PHLDB2: variants seen among roughly 807,000 people sequenced by gnomAD.
PHLDB2 encodes pleckstrin homology like domain family B member 2.
PHLDB2 carries 71 observed loss-of-function variants against 123.6 expected under a neutral mutation model. The ratio of observed to expected loss-of-function variants is 0.57; its 90% CI spans 0.47 to 0.70. The LOEUF (loss-of-function observed/expected upper bound fraction) is 0.70. PHLDB2 is among the 30% of genes least tolerant of loss of function. PHLDB2 has a pLI of 0.00. For missense variants in PHLDB2, 1,446 were observed against 1,519.5 expected (o/e 0.95, Z 0.80); for synonymous variants, 547 against 541.6 (o/e 1.01, Z -0.14).
At chr3:111,807,229 A>G (rs2108306544) in intron 1 of PHLDB2, among the ~76,000 whole-genome samples, 1 of 152,246 alleles carries the variant, frequency 6.6e-6, no homozygotes, top group Middle Eastern at 3.4e-3. Context: ...GTTGTGAGGA[A>G]TAAATTAAGT....
At chr3:111,737,421 A>G (rs2059528755) in intron 1 of PHLDB2, among the ~76,000 whole-genome samples, 1 of 152,080 alleles carries the variant, frequency 6.6e-6, no homozygotes, top group African/African-American at 2.4e-5. Context: ...TTGGGCAGTG[A>G]TCAAGCAGAG....
In PHLDB2 at chr3:111,909,955, T is replaced by C. The variant is rs377249494; in HGVS notation, c.1336-3364T>C. Among the ~76,000 whole-genome samples the C allele has an allele frequency of 6.6e-5, 10 of 152,206 alleles. No individual in the cohort carries two copies. In the East Asian group the frequency reaches 1.3e-3, roughly 21 times the overall value. Reference sequence around the variant, plus strand: ...GCATAATGTATGTATTTATGCAGTATGTGTACCGTCCTGTGACCTACACTG... The same window carrying C: ...GCATAATGTATGTATTTATGCAGTACGTGTACCGTCCTGTGACCTACACTG... On this transcript the variant is annotated intron_variant, in intron 2 of 17. Transcript: ENST00000431670.
intron 1 of PHLDB2, among the ~76,000 whole-genome samples, chr3:111,839,300 CAG>C (rs1262461497): frequency 2.6e-5 from 4 of 152,126 alleles, no homozygotes; most frequent in African/African-American, 9.7e-5. Flanking sequence ...CTAACTTGAA[CAG>C]AGTTTGTGAA....
intron 13 of PHLDB2, 89 bp from the exon 14 acceptor site, chr3:111,966,524 T>TGTGTGGG (rs1559926884): frequency 2.0e-6 from 1 of 497,128 alleles, no homozygotes; most frequent in Non-Finnish European, 3.4e-6. Context: ...TGTGTGTGTC[T>TGTGTGGG]GGGGTGTGTG....
intron 1 of PHLDB2, among the ~76,000 whole-genome samples, chr3:111,787,258 C>T (rs1000829791): frequency 2.0e-5 from 3 of 152,166 alleles, no homozygotes; most frequent in African/African-American, 7.2e-5. Context: ...TTTTGCGTTA[C>T]TGAAGGTGAA....
chr3:111,856,122 A>G (rs2064496406), upstream of PHLDB2, among the ~76,000 whole-genome samples: 1 of 152,244 alleles, frequency 6.6e-6, no homozygotes, highest in Non-Finnish European at 1.5e-5. Context: ...GTCTTGGAGT[A>G]TGATTCATAC....
intron 1 of PHLDB2, among the ~76,000 whole-genome samples, chr3:111,835,859 G>A (rs184969807): frequency 1.5e-3 from 234 of 152,242 alleles, no homozygotes; most frequent in Non-Finnish European, 2.7e-3. Context: ...TAGCTTCTCC[G>A]AAGGGCCAGG....
At chr3:111,866,014 A>ATTTT (rs61038523) in intron 1 of PHLDB2, among the ~76,000 whole-genome samples, 655 of 57,392 alleles carry the variant, frequency 0.011, 84 homozygotes, top group East Asian at 0.087. Context: ...CCACCCACTC[A>ATTTT]TTTTTTTTTT....
rs115534988 is a variant in PHLDB2 at position 111,799,533 on chromosome 3, T to A, written c.-48-46288T>A. 2.6e-3 allele frequency among the ~76,000 whole-genome samples: 397 copies of A among 152,244 alleles called. 2 individuals are homozygous for A. The highest frequency in any genetic ancestry group is 8.8e-3 in the African/African-American group (367 of 41,544). ...GAAAGCTAGAAATACTTTAGAAATA[T>A]GTCATCCCAATCAGAAAAAAGAAAT... On this transcript the variant is annotated intron_variant, in intron 1 of 17. Transcript: ENST00000393923.
chr3:111,790,588 T>G lies in PHLDB2; in HGVS notation c.-48-55233T>G, dbSNP rs1423674324. On this transcript the variant is annotated intron_variant, in intron 1 of 17. Transcript: ENST00000393923. The stretch of plus-strand genomic sequence containing the variant: ...GTTTGTGGCCACCTAAGCACTGTGT[T>G]TTGACAAAGGAAAAGAACCTTTCGC... Among the ~76,000 whole-genome samples the G allele has an allele frequency of 2.0e-5, 3 of 152,146 alleles. No homozygotes were observed. In the East Asian group the frequency reaches 5.8e-4, roughly 29 times the overall value.
At position 111,975,775 on chromosome 3, in the gene PHLDB2, G is replaced by A. The variant is rs1201667625; in HGVS notation, c.*1212G>A. 1.3e-5 allele frequency: 2 copies of A among 152,546 alleles called. No individual in the cohort carries two copies. The highest frequency in any genetic ancestry group is 2.9e-5 in the Non-Finnish European group (2 of 68,022). 9.4% of individuals were successfully genotyped at this position (152,546 alleles called of 1,614,324 possible). A position where few individuals can be genotyped will look rare whatever the true frequency, so the allele number is the denominator to read the frequency against. ...TCATGTTTTGCATGTTTGAAAGTAT[G>A]AATGTGCTCTTTCCTAAAACATGGC... is the stretch of plus-strand genomic sequence containing the variant. On this transcript the variant is annotated 3_prime_UTR_variant, in exon 18 of 18. Transcript: ENST00000431670.
intron 12 of PHLDB2, among the ~76,000 whole-genome samples, chr3:111,954,721 G>A (rs1361893833): frequency 6.6e-6 from 1 of 152,194 alleles, no homozygotes; most frequent in East Asian, 1.9e-4. Context: ...TAACTTTTGA[G>A]CAGGCACGAT....
chr3:111,866,014 A>ATTT (rs61038523), intron 1 of PHLDB2, among the ~76,000 whole-genome samples: 3,988 of 57,252 alleles, frequency 0.07, 607 homozygotes, highest in East Asian at 0.18. Context: ...CCACCCACTC[A>ATTT]TTTTTTTTTT....
intron 8 of PHLDB2, among the ~76,000 whole-genome samples, chr3:111,941,535 C>T (rs2069884446): frequency 6.6e-6 from 1 of 152,136 alleles, no homozygotes; most frequent in African/African-American, 2.4e-5. Context: ...GGCCTGACAC[C>T]ATGGCTCATG....
intron 1 of PHLDB2, among the ~76,000 whole-genome samples, chr3:111,811,589 A>C (rs2061837924): frequency 6.6e-6 from 1 of 152,176 alleles, no homozygotes; most frequent in African/African-American, 2.4e-5. Context: ...AGGAATCTTA[A>C]TTATTTACTG....
intron 1 of PHLDB2, among the ~76,000 whole-genome samples, chr3:111,842,550 T>C (rs1423329206): frequency 1.3e-5 from 2 of 152,216 alleles, no homozygotes; most frequent in African/African-American, 4.8e-5. Context: ...ACGGAGTATT[T>C]TCACTGCCCT....
intron 1 of PHLDB2, among the ~76,000 whole-genome samples, chr3:111,801,900 TTGGAATGATGACAA>T (rs972865144): frequency 3.7e-5 from 5 of 135,592 alleles, no homozygotes; most frequent in African/African-American, 1.3e-4. Context: ...TTGTTTTGTT[TTGGAATGATGACAA>T]TGTTCTGGAA....
intron 1 of PHLDB2, among the ~76,000 whole-genome samples, chr3:111,831,594 A>G (rs1482064325): frequency 6.6e-6 from 1 of 152,192 alleles, no homozygotes; most frequent in Non-Finnish European, 1.5e-5. Flanking sequence ...CTTACCCTAT[A>G]TTTAATATGT....
At chr3:111,941,209 A>G (rs974065579) in intron 8 of PHLDB2, among the ~76,000 whole-genome samples, 1 of 152,226 alleles carries the variant, frequency 6.6e-6, no homozygotes, top group African/African-American at 2.4e-5. Context: ...CAACACCTAA[A>G]GTGACTACCT....
Sources: gnomAD v4.1 joint callset for allele counts (sites outside exome capture counted in the v4.1 genomes callset) on GRCh38, gnomAD v4.1.1 for gene constraint, MANE v1.5 for transcripts, NCBI Gene and HGNC (gene_info 2026-07-23, HGNC 2026-07-21) for gene names.